The following CHL1 variants were observed in gnomAD, a reference collection of about 807,000 sequenced individuals.
The protein encoded by CHL1 is neural cell adhesion molecule L1-like protein.
In CHL1, 96 loss-of-function variants were observed where a neutral mutation model predicts 141.9. The observed-to-expected ratio is 0.68, with a 90% CI of 0.57 to 0.80. CHL1 has a LOEUF of 0.80. CHL1 is among the 30% of genes least tolerant of loss of function. The pLI is 0.00. For missense variants in CHL1, 1,820 were observed against 1,457.2 expected (o/e 1.25, Z -4.05); for synonymous variants, 613 against 502.2 (o/e 1.22, Z -2.95).
At chr3:309,917 T>C (rs1453285561) in intron 2 of CHL1, among the ~76,000 whole-genome samples, 2 of 152,204 alleles carry the variant, frequency 1.3e-5, no homozygotes, top group African/African-American at 4.8e-5. Context: ...ATTGTTATGG[T>C]TAAATTTTTA....
chr3:344,487 ACACT>A, intron 8 of CHL1, 98 bp from the exon 9 acceptor site: 1 of 742,998 alleles, frequency 1.3e-6, no homozygotes, highest in Non-Finnish European at 2.2e-6. Flanking sequence ...ACACACACAC[ACACT>A]CGTGTGTCGG....
At chr3:221,157 T>G (rs1700805080) in intron 1 of CHL1, among the ~76,000 whole-genome samples, 1 of 152,232 alleles carries the variant, frequency 6.6e-6, no homozygotes, top group Admixed American at 6.5e-5. Flanking sequence ...ATGCATTTAT[T>G]GATGTCTTAT....
chr3:326,377 C>G (rs760442527), intron 4 of CHL1, among the ~76,000 whole-genome samples: 1 of 151,948 alleles, frequency 6.6e-6, no homozygotes, highest in African/African-American at 2.4e-5. Flanking sequence ...CTAGAAGATC[C>G]TTTATTCTAC....
intron 1 of CHL1, among the ~76,000 whole-genome samples, chr3:235,441 C>T (rs1031848590): frequency 6.6e-6 from 1 of 152,062 alleles, no homozygotes; most frequent in Admixed American, 6.6e-5. Flanking sequence ...ATGTAAAGCA[C>T]TTAAGAGAGT....
intron 15 of CHL1, among the ~76,000 whole-genome samples, chr3:367,759 C>G (rs1159868659): frequency 6.6e-6 from 1 of 152,046 alleles, no homozygotes; most frequent in African/African-American, 2.4e-5. Context: ...TTTGCTGCAC[C>G]TATTGACCTG....
chr3:358,150 C>A lies in CHL1; in HGVS notation c.1166-2134C>A, dbSNP rs191773891. 1.1e-4 allele frequency among the ~76,000 whole-genome samples: 16 copies of A among 152,280 alleles called. 1 individual carries two copies. In the East Asian group the frequency reaches 3.1e-3, roughly 29 times the overall value. ...TTTACATTTCTGTAAAAGTCCAACA[C>A]GAGTCTTGGCTAAAATCAAAATGTC... On this transcript the variant is annotated intron_variant, in intron 11 of 27. Transcript: ENST00000256509.
At position 382,620 on chromosome 3, in the gene CHL1, G is replaced by A. The variant is rs1162873453; in HGVS notation, c.2125G>A (p.Gly709Arg). 6.2e-7 allele frequency: 1 copy of A among 1,613,842 alleles called. No homozygotes were observed. Among genetic ancestry groups the A allele is most frequent in the Non-Finnish European group, 8.5e-7 (1 of 1,179,860 alleles). ...QFRVIAVNEV[G>R]RSQPSQPSDH... ...CAGGGTCATAGCCGTGAACGAAGTA[G>A]GGAGAAGTCAGCCTAGCCAGCCGTC... is the stretch of plus-strand genomic sequence containing the variant. Residue 709 changes from glycine (G) to arginine (R), a missense_variant, in exon 18 of 28, where the codon GGG (glycine) becomes AGG (arginine). Physicochemically the swap from Gly to Arg is moderately radical, Grantham distance 125. Coordinates refer to ENST00000256509, the MANE Select transcript of CHL1 (RefSeq NM_006614.4).
intron 15 of CHL1, among the ~76,000 whole-genome samples, chr3:370,713 G>A (rs1705521271): frequency 6.6e-6 from 1 of 152,128 alleles, no homozygotes; most frequent in African/African-American, 2.4e-5. Flanking sequence ...GTGAATTTGA[G>A]ATCTTTCTAG....
At chr3:300,102 T>A (rs1239469205) in intron 2 of CHL1, among the ~76,000 whole-genome samples, 1 of 152,156 alleles carries the variant, frequency 6.6e-6, no homozygotes, top group Non-Finnish European at 1.5e-5. Context: ...CTTACTATAA[T>A]ATTTCAGAGA....
intron 1 of CHL1, among the ~76,000 whole-genome samples, chr3:239,590 T>TAG (rs1692350685): frequency 1.0e-5 from 1 of 98,522 alleles, no homozygotes; most frequent in Admixed American, 1.1e-4. Flanking sequence ...AAACAGTATA[T>TAG]ATATAAAATA....
At chr3:334,554 C>T (rs956362415) in intron 5 of CHL1, among the ~76,000 whole-genome samples, 7 of 152,122 alleles carry the variant, frequency 4.6e-5, no homozygotes, top group African/African-American at 1.4e-4. Flanking sequence ...TTTCATATGT[C>T]TTCTTTCACT....
At chr3:341,886 T>G in intron 6 of CHL1, 26 bp from the exon 7 acceptor site, 1 of 1,539,730 alleles carries the variant, frequency 6.5e-7, no homozygotes, top group Non-Finnish European at 8.8e-7. Context: ...AATTGCCCTT[T>G]TCAATGGCAA....
intron 9 of CHL1, among the ~76,000 whole-genome samples, chr3:345,673 C>T (rs1322459709): frequency 6.6e-6 from 1 of 151,894 alleles, no homozygotes; most frequent in African/African-American, 2.4e-5. Flanking sequence ...TTAGTAGAGA[C>T]AGGGTTTCAA....
At position 391,025 on chromosome 3, in the gene CHL1, T is replaced by A. The variant is rs1427580027; in HGVS notation, c.2657T>A (p.Phe886Tyr). The A allele has an allele frequency of 1.2e-6, 2 of 1,614,124 alleles. No homozygotes were observed. The highest frequency in any genetic ancestry group is 2.2e-5 in the East Asian group (1 of 44,878). Residue 886 changes from phenylalanine to tyrosine, a missense_variant, in exon 22 of 28, where the codon TTT becomes TAT. By Grantham distance (22) the Phe-to-Tyr change is conservative. Transcript: ENST00000256509. ...CCCAAAGAAGTGAACATTCTAAGAT[T>A]TTCAGGACAAAGAAACTCTGGAATG... ...THPKEVNILRFSGQRNSGMVP... is the reference protein window; with the variant it reads ...THPKEVNILRYSGQRNSGMVP...
At chr3:287,636 G>A (rs1471763315) in intron 2 of CHL1, among the ~76,000 whole-genome samples, 2 of 152,116 alleles carry the variant, frequency 1.3e-5, no homozygotes, top group African/African-American at 4.8e-5. Context: ...GAACTAACTG[G>A]ATTTAGTAAG....
chr3:291,236 C>A (rs1277271171), intron 2 of CHL1, among the ~76,000 whole-genome samples: 1 of 151,738 alleles, frequency 6.6e-6, no homozygotes, highest in African/African-American at 2.4e-5. Context: ...AGGGGGAAAA[C>A]CTTTTGAATT....
In CHL1 at chr3:316,949, T is replaced by A. The variant is rs142695316; in HGVS notation, c.-94-2734T>A. 5.8e-3 allele frequency among the ~76,000 whole-genome samples: 878 copies of A among 152,136 alleles called. 8 individuals are homozygous for A. Among genetic ancestry groups the A allele is most frequent in the Non-Finnish European group, 6.0e-3 (407 of 67,972 alleles). Reference sequence around the variant, plus strand: ...CTATCTTACTGTTGCAAAATGGAATTCCTAAGAAACATACCCTTTATGAAT... The same window carrying A: ...CTATCTTACTGTTGCAAAATGGAATACCTAAGAAACATACCCTTTATGAAT... On this transcript the variant is annotated intron_variant, in intron 2 of 27. Transcript: ENST00000256509.
chr3:204,495 A>G (rs917185229), intron 1 of CHL1, among the ~76,000 whole-genome samples: 38 of 152,344 alleles, frequency 2.5e-4, no homozygotes, highest in African/African-American at 9.1e-4. Flanking sequence ...CCAGGGACTA[A>G]GAGATGTATT....
chr3:366,167 G>C, intron 15 of CHL1, 52 bp downstream of exon 15: 1 of 1,551,742 alleles, frequency 6.4e-7, no homozygotes. Context: ...TAAACAACTT[G>C]CATTTGATTT....
Sources: gnomAD v4.1 joint callset for allele counts (sites outside exome capture counted in the v4.1 genomes callset) on GRCh38, gnomAD v4.1.1 for gene constraint, MANE v1.5 for transcripts, NCBI Gene and HGNC (gene_info 2026-07-23, HGNC 2026-07-21) for gene names.